Variants in PDE1B observed in about 807,000 individuals in gnomAD.
The protein encoded by PDE1B is dual specificity calcium/calmodulin-dependent 3',5'-cyclic nucleotide phosphodiesterase 1B.
Under a neutral mutation model 66.7 loss-of-function variants are expected in PDE1B, and 13 were observed. The ratio of observed to expected loss-of-function variants is 0.19; its 90% confidence interval spans 0.13 to 0.31. The LOEUF (loss-of-function observed/expected upper bound fraction) is 0.31. Among genes scored for constraint, PDE1B ranks in the 10% least tolerant of loss-of-function variants. PDE1B has a pLI of 1.00. For missense variants in PDE1B, 485 were observed against 682.3 expected (o/e 0.71, Z 3.22); for synonymous variants, 230 against 253.9 (o/e 0.91, Z 0.90).
intron 10 of PDE1B, chr12:54,574,503 T>G (rs999380607): frequency 6.6e-5 from 10 of 152,368 alleles, no homozygotes; most frequent in African/African-American, 2.4e-4. Context: ...TATGGAAATT[T>G]TAAGTAACTT....
chr12:54,553,411 G>T (rs556182345), intron 2 of PDE1B, among the ~76,000 whole-genome samples: 2 of 152,050 alleles, frequency 1.3e-5, no homozygotes, highest in Non-Finnish European at 2.9e-5. Context: ...CACATGGTAC[G>T]CACTCGGGAC....
Position 54,569,569 on chromosome 12 carries a change from C to T in PDE1B, c.434C>T (p.Ser145Phe). 2 of 1,613,776 alleles carry T rather than the reference C, an allele frequency of 1.2e-6. No individual in the cohort carries two copies. Among genetic ancestry groups the T allele is most frequent in the Non-Finnish European group, 1.7e-6 (2 of 1,179,636 alleles). The change falls in exon 5 of 16, where the codon TCT (serine) becomes TTT (phenylalanine). Residue 145 changes from serine (S) to phenylalanine (F), a missense_variant. Around this residue, in one of 4 missense-constraint regions of PDE1B, gnomAD observed 282 missense variants for 453.4 expected, o/e 0.62. Coordinates refer to ENST00000243052, the MANE Select transcript of PDE1B (RefSeq NM_000924.4). This position sits in a 1 kb window ranked among gnomAD's most constrained non-coding sequence, Gnocchi z 4.4. ...VERMFRRTYT[S>F]VGPTYSTAVL... Reference sequence around the variant, plus strand: ...AGGATGTTCCGGAGAACATACACCTCTGTGGGCCCCACTTACTCTACTGCG... The same window carrying T: ...AGGATGTTCCGGAGAACATACACCTTTGTGGGCCCCACTTACTCTACTGCG...
At chr12:54,574,986 A>G in intron 10 of PDE1B, 112 bp from the exon 11 acceptor site, 1 of 944,660 alleles carries the variant, frequency 1.1e-6, no homozygotes, top group Non-Finnish European at 1.5e-6. Context: ...AAAAAAAAAA[A>G]AAAAAAAGGA....
chr12:54,567,834 T>G lies in PDE1B; in HGVS notation c.227+747T>G, dbSNP rs543791377. Among the ~76,000 whole-genome samples, 9 of 151,314 alleles carry G rather than the reference T, an allele frequency of 5.9e-5. No individual in the cohort carries two copies. In the South Asian group the frequency reaches 1.9e-3, roughly 31 times the overall value. On this transcript the variant is annotated intron_variant, in intron 3 of 15. Transcript: ENST00000243052. ...GATTTCAAAGACTTAGAAAAAAGAA[T>G]GTAAGATATTCATATATATATATAT...
chr12:54,563,831 A>G (rs939557748), intron 2 of PDE1B, among the ~76,000 whole-genome samples: 1 of 152,170 alleles, frequency 6.6e-6, no homozygotes, highest in Non-Finnish European at 1.5e-5. Flanking sequence ...TGTATATTAG[A>G]ATAATCTGGG....
At chr12:54,557,303 A>T (rs902055977) in intron 2 of PDE1B, among the ~76,000 whole-genome samples, 19 of 152,228 alleles carry the variant, frequency 1.2e-4, no homozygotes, top group Non-Finnish European at 1.5e-5. Context: ...CAGTGAAATA[A>T]ATTGAAGACA....
At chr12:54,551,933 T>C (rs1488526942) in intron 2 of PDE1B, among the ~76,000 whole-genome samples, 1 of 152,252 alleles carries the variant, frequency 6.6e-6, no homozygotes, top group South Asian at 2.1e-4. Context: ...TTCAGCAGTC[T>C]GGTCCTTAAG....
At chr12:54,549,823 C>A in intron 1 of PDE1B, 37 bp from the exon 2 acceptor site, 1 of 1,443,286 alleles carries the variant, frequency 6.9e-7, no homozygotes, top group East Asian at 2.3e-5. Flanking sequence ...GGGGCTGAAG[C>A]TGAGCCGAGG....
rs1373375042 is a variant in PDE1B, at chr12:54,570,316, T to C, written c.553T>C (p.Phe185Leu). Residue 185 changes from phenylalanine to leucine, a missense_variant, in exon 6 of 16, where the codon TTT becomes CTT. By Grantham distance (22) the Phe-to-Leu change is conservative. This residue lies in a region of PDE1B where 282 missense variants were observed against 453.4 expected (regional missense o/e 0.62). Coordinates refer to ENST00000243052, the MANE Select transcript of PDE1B (RefSeq NM_000924.4). The part of the protein sequence containing the change: ...ADDHALRTIV[F>L]ELLTRHNLIS... ...TGACCATGCCCTGAGGACCATTGTT[T>C]TTGAGTTGCTGACTCGGCATAACCT... 6.2e-7 allele frequency: 1 copy of C among 1,613,610 alleles called. No homozygotes were observed. The highest frequency in any genetic ancestry group is 2.2e-5 in the East Asian group (1 of 44,870).
Position 54,573,949 on chromosome 12 carries a change from T to G in PDE1B, c.1064+240T>G, listed in dbSNP as rs1592386233. 2.5e-5 allele frequency: 13 copies of G among 529,730 alleles called. No homozygotes were observed. The South Asian group carries it at 3.0e-4, about 12-fold the overall frequency. 32.8% of individuals were successfully genotyped at this position (529,730 alleles called of 1,614,324 possible). A position where few individuals can be genotyped will look rare whatever the true frequency, so the allele number is the denominator to read the frequency against. On this transcript the variant is annotated intron_variant, in intron 10 of 15. Transcript: ENST00000243052. This position sits in a 1 kb window ranked among gnomAD's most constrained non-coding sequence, Gnocchi z 5.2. ...CTCACAGCCTTGGCAGCTGATCCAC[T>G]GGAGAGTGCTTTGGGCTGGGAATCT... is the stretch of plus-strand genomic sequence containing the variant.
intron 5 of PDE1B, 22 bp from the exon 6 acceptor site, chr12:54,570,218 CA>C: frequency 7.0e-7 from 1 of 1,427,750 alleles, no homozygotes; most frequent in East Asian, 2.3e-5. Flanking sequence ...TGGAAAGCCA[CA>C]TAATCTATTG....
At chr12:54,565,986 A>G (rs1957508421) in intron 2 of PDE1B, among the ~76,000 whole-genome samples, 1 of 152,082 alleles carries the variant, frequency 6.6e-6, no homozygotes, top group African/African-American at 2.4e-5. Context: ...TCAGCCCCAG[A>G]TTGGTTTTAG....
Position 54,579,157 on chromosome 12 carries a change from G to T in PDE1B, c.*1315G>T. 1 of 706,878 alleles carries T rather than the reference G, an allele frequency of 1.4e-6. No homozygotes were observed. The highest frequency in any genetic ancestry group is 6.4e-5 in the South Asian group (1 of 15,644). The allele number at this position is 706,878 out of a possible 1,614,324, so 43.8% of individuals were successfully genotyped here. A position where few individuals can be genotyped will look rare whatever the true frequency, so the allele number is the denominator to read the frequency against. On this transcript the variant is annotated 3_prime_UTR_variant, in exon 16 of 16. Transcript: ENST00000243052. ...TCCACCCTACCCCACCCCGAGAAGG[G>T]CAGAGACGCATGTGACTCACCCCTG...
Position 54,573,890 on chromosome 12 carries a change from TG to T in PDE1B, c.1064+182del. On this transcript the variant is annotated intron_variant, in intron 10 of 15. Transcript: ENST00000243052. This position sits in a 1 kb window ranked among gnomAD's most constrained non-coding sequence, Gnocchi z 5.2. ...GAGAGAGTGTGTGTGTGTGTGTGTG[TG>T]TGTGTGTGTGTGTGTGTGTGTCCTT... 1.7e-6 allele frequency: 1 copy of T among 593,256 alleles called. No homozygotes were observed. The highest frequency in any genetic ancestry group is 3.0e-6 in the Non-Finnish European group (1 of 330,240). The allele number at this position is 593,256 out of a possible 1,614,324, so 36.7% of individuals were successfully genotyped here.
chr12:54,565,566 C>T (rs944928508), intron 2 of PDE1B, among the ~76,000 whole-genome samples: 2 of 152,224 alleles, frequency 1.3e-5, no homozygotes, highest in African/African-American at 4.8e-5. Context: ...GTTAAACAAC[C>T]TGCTGTTTCC....
chr12:54,567,757 C>T (rs1157564974), intron 3 of PDE1B, among the ~76,000 whole-genome samples: 1 of 151,958 alleles, frequency 6.6e-6, no homozygotes, highest in Non-Finnish European at 1.5e-5. Context: ...GGCTATTGAG[C>T]ACCTCAAATG....
Position 54,573,772 on chromosome 12 carries a change from T to A in PDE1B, c.1064+63T>A. The A allele has an allele frequency of 8.5e-7, 1 of 1,180,044 alleles. No individual in the cohort carries two copies. Among genetic ancestry groups the A allele is most frequent in the Non-Finnish European group, 1.3e-6 (1 of 789,702 alleles). 73.1% of individuals were successfully genotyped at this position (1,180,044 alleles called of 1,614,324 possible). ...GGGAGGGGTGTGTGAACTGGGGGGG[T>A]ATACACAAGGGTAGTTGGTGTGCCA... On this transcript the variant is annotated intron_variant, in intron 10 of 15. Coordinates refer to ENST00000243052, the MANE Select transcript of PDE1B (RefSeq NM_000924.4). This position sits in a 1 kb window ranked among gnomAD's most constrained non-coding sequence, Gnocchi z 5.2.
intron 14 of PDE1B, 32 bp from the exon 15 acceptor site, chr12:54,577,193 C>G: frequency 6.3e-7 from 1 of 1,575,292 alleles, no homozygotes; most frequent in South Asian, 1.1e-5. Flanking sequence ...ACTTCTTGGC[C>G]TAAGCTCAGC....
intron 2 of PDE1B, chr12:54,550,330 C>A (rs1404298245): frequency 4.6e-6 from 4 of 868,040 alleles, no homozygotes; most frequent in Non-Finnish European, 5.9e-6. Flanking sequence ...TCACACATAT[C>A]CATGTGCAGA....
Sources: gnomAD v4.1 joint callset for allele counts (sites outside exome capture counted in the v4.1 genomes callset) on GRCh38, gnomAD v4.1.1 for gene constraint, gnomAD v4.1.1 regional missense constraint, Gnocchi (gnomAD v3.1) non-coding constraint, MANE v1.5 for transcripts, NCBI Gene and HGNC (gene_info 2026-07-23, HGNC 2026-07-21) for gene names.